ITGA11: variants seen among roughly 807,000 people sequenced by gnomAD.
ITGA11 encodes the protein integrin subunit alpha 11, also known as integrin alpha-11.
Under a neutral mutation model 141.9 loss-of-function variants are expected in ITGA11, and 97 were observed. The observed-to-expected ratio is 0.68, with a 90% CI of 0.58 to 0.81. The LOEUF is 0.81. ITGA11 is among the 30% of genes least tolerant of loss of function. The pLI, the probability that ITGA11 is intolerant of heterozygous loss-of-function variation, is 0.00. For missense variants in ITGA11, 1,387 were observed against 1,559.2 expected, an observed-to-expected ratio of 0.89 and a Z score of 1.86; for synonymous variants, 658 against 624.6, an observed-to-expected ratio of 1.05 and a Z score of -0.80.
chr15:68,350,653 CA>C lies in ITGA11; in HGVS notation c.1023del (p.Ile341MetfsTer55). On this transcript the variant is annotated frameshift_variant, in exon 9 of 30. Coordinates refer to ENST00000315757, the MANE Select transcript of ITGA11 (RefSeq NM_001004439.2). LOFTEE classifies it high-confidence loss of function. ...NVTDEAALKD[I>X]VDALGDRIFS... is the part of the protein sequence containing the mutation. ...AAGATTCTGTCCCCCAGGGCATCGACAATGTCCTTCAAGGCAGCCTCATCAG... is the reference window on the plus strand; with the variant it reads ...AAGATTCTGTCCCCCAGGGCATCGACATGTCCTTCAAGGCAGCCTCATCAG... 6.2e-7 allele frequency: 1 copy of C among 1,613,952 alleles called. No individual in the cohort carries two copies. The highest frequency in any genetic ancestry group is 8.5e-7 in the Non-Finnish European group (1 of 1,179,852).
At chr15:68,313,713 C>T (rs182003271) in intron 23 of ITGA11, 66 bp downstream of exon 23, 88 of 1,274,040 alleles carry the variant, frequency 6.9e-5, no homozygotes, top group African/African-American at 5.7e-4. Flanking sequence ...GGATGCCCCC[C>T]CTTAGGCCTC....
intron 1 of ITGA11, among the ~76,000 whole-genome samples, chr15:68,420,681 A>G (rs1896997995): frequency 6.6e-6 from 1 of 152,174 alleles, no homozygotes; most frequent in African/African-American, 2.4e-5. Flanking sequence ...GGGAGATTTT[A>G]ACTGATTGAT....
At chr15:68,368,865 T>TTC in intron 3 of ITGA11, among the ~76,000 whole-genome samples, 1 of 150,918 alleles carries the variant, frequency 6.6e-6, no homozygotes, top group East Asian at 2.0e-4. Flanking sequence ...AAGTCCTTTT[T>TTC]TTTTTTTTTT....
In ITGA11 at chr15:68,371,746, G is replaced by A. The variant is rs11858012; in HGVS notation, c.165-2462C>T. Reference sequence around the variant, plus strand: ...GAAAAGAAAAAGAAAGAAAGGCACCGAGAAACAGAAGGGGCCATATCTAGG... The same window carrying A: ...GAAAAGAAAAAGAAAGAAAGGCACCAAGAAACAGAAGGGGCCATATCTAGG... On this transcript the variant is annotated intron_variant, in intron 2 of 29. Coordinates refer to ENST00000315757, the MANE Select transcript of ITGA11 (RefSeq NM_001004439.2). Among the ~76,000 whole-genome samples, 234 of 152,148 alleles carry A rather than the reference G, an allele frequency of 1.5e-3. 1 individual carries two copies. Among genetic ancestry groups the A allele is most frequent in the African/African-American group, 5.1e-3 (211 of 41,514 alleles).
At chr15:68,368,539 G>C (rs1269992275) in intron 3 of ITGA11, among the ~76,000 whole-genome samples, 2 of 152,234 alleles carry the variant, frequency 1.3e-5, no homozygotes, top group African/African-American at 4.8e-5. Flanking sequence ...GCATCTCCCT[G>C]TTCCAGAATA....
At position 68,325,894 on chromosome 15, in the gene ITGA11, C is replaced by A. The variant is rs1228900890; in HGVS notation, c.2212-653G>T. The stretch of plus-strand genomic sequence containing the variant: ...TCAAACCTGAGCTGGCACCAGAGTC[C>A]CCTGGGAGCTTGTTAAAACACAGGG... On this transcript the variant is annotated intron_variant, in intron 17 of 29. Coordinates refer to ENST00000315757, the MANE Select transcript of ITGA11 (RefSeq NM_001004439.2). The surrounding 1 kb of genome is among the most constrained non-coding windows in gnomAD (Gnocchi z 5.5). Among the ~76,000 whole-genome samples, 1 of 152,216 alleles carries A rather than the reference C, an allele frequency of 6.6e-6. No homozygotes were observed. Among genetic ancestry groups the A allele is most frequent in the African/African-American group, 2.4e-5 (1 of 41,458 alleles).
intron 1 of ITGA11, among the ~76,000 whole-genome samples, chr15:68,410,371 A>G (rs1261162155): frequency 1.3e-5 from 2 of 152,154 alleles, no homozygotes; most frequent in African/African-American, 4.8e-5. Flanking sequence ...GTTTATCACT[A>G]AGAATCTCTG....
At chr15:68,311,787 CAATTA>C (rs1248063655) in intron 24 of ITGA11, among the ~76,000 whole-genome samples, 1 of 152,180 alleles carries the variant, frequency 6.6e-6, no homozygotes, top group East Asian at 1.9e-4. Context: ...CATTAATTAA[CAATTA>C]ATTTAATTAA....
chr15:68,326,733 C>T lies in ITGA11; in HGVS notation c.2132G>A (p.Gly711Asp). ...RYTPRAHLDE[G>D]GDRFTNRAVL... ...GGCTCTGTTGGTGAATCGGTCCCCG[C>T]CCTCGTCCAGGTGGGCCCTCGGTGT... The change falls in exon 17 of 30, where the codon GGC (glycine) becomes GAC (aspartate). Residue 711 changes from glycine to aspartate, a missense_variant. Gly to Asp is a moderately conservative substitution (Grantham distance 94). Coordinates refer to ENST00000315757, the MANE Select transcript of ITGA11 (RefSeq NM_001004439.2). The surrounding 1 kb of genome is among the most constrained non-coding windows in gnomAD (Gnocchi z 6.8). The T allele has an allele frequency of 6.3e-7, 1 of 1,582,890 alleles. No homozygotes were observed. Among genetic ancestry groups the T allele is most frequent in the Non-Finnish European group, 8.6e-7 (1 of 1,164,440 alleles).
rs1460503263 is a variant in ITGA11, at chr15:68,311,015, G to A, written c.3153C>T (p.Asp1051=). Residue 1051 remains aspartate (D), a synonymous_variant, in exon 26 of 30, where the codon GAC becomes GAT. Coordinates refer to ENST00000315757, the MANE Select transcript of ITGA11 (RefSeq NM_001004439.2). ...TCACCAGCTGTGGAGCACGACGCAA[G>A]TCTTCCTCCACTGGGGTGGGCCGGT... is the stretch of plus-strand genomic sequence containing the variant. ...TEYRPTPVEE[D]LRRAPQLNHS... 6.2e-7 allele frequency: 1 copy of A among 1,605,618 alleles called. No homozygotes were observed. Among genetic ancestry groups the A allele is most frequent in the South Asian group, 1.1e-5 (1 of 89,198 alleles).
At chr15:68,384,763 C>T (rs543193790) in intron 2 of ITGA11, among the ~76,000 whole-genome samples, 35 of 152,316 alleles carry the variant, frequency 2.3e-4, no homozygotes, top group Admixed American at 4.6e-4. Flanking sequence ...GAGAAAATAG[C>T]GGAGAGCGTT....
chr15:68,373,842 A>T (rs1013966704), intron 2 of ITGA11, among the ~76,000 whole-genome samples: 1 of 152,040 alleles, frequency 6.6e-6, no homozygotes, highest in African/African-American at 2.4e-5. Context: ...ACAGTGGGAG[A>T]GCTGAGAGAA....
At chr15:68,339,974 G>A (rs7162991) in intron 10 of ITGA11, among the ~76,000 whole-genome samples, 29,872 of 152,052 alleles carry the variant, frequency 0.2, 6,548 homozygotes, top group African/African-American at 0.54. Flanking sequence ...TTTAGGGACC[G>A]TCTCGCCACT....
Position 68,378,313 on chromosome 15 carries a change from TC to T in ITGA11, c.165-9030del, listed in dbSNP as rs1490930355. On this transcript the variant is annotated intron_variant, in intron 2 of 29. Transcript: ENST00000315757. ...AGGGATACTGAAATAAATAGTTTCA[TC>T]CCTTTTTCTACTGATAGACGTTCAG... is the stretch of plus-strand genomic sequence containing the variant. Among the ~76,000 whole-genome samples the T allele has an allele frequency of 2.0e-5, 3 of 152,194 alleles. No homozygotes were observed. The East Asian group carries it at 5.8e-4, about 29-fold the overall frequency.
At chr15:68,387,101 CAA>C (rs1189052895) in intron 2 of ITGA11, among the ~76,000 whole-genome samples, 1 of 151,800 alleles carries the variant, frequency 6.6e-6, no homozygotes, top group Non-Finnish European at 1.5e-5. Context: ...AGAAATCTGG[CAA>C]AGTGAAGGAA....
rs1893995155 is a variant in ITGA11, at chr15:68,326,972, G to A, written c.2069-176C>T. ...GAGAGCAAGTGATTGCATGAGGAAG[G>A]TAAAGGAAGGAACCAAAGAAAAGGG... On this transcript the variant is annotated intron_variant, in intron 16 of 29. Transcript: ENST00000315757. This position sits in a 1 kb window ranked among gnomAD's most constrained non-coding sequence, Gnocchi z 6.8. 1.3e-5 allele frequency among the ~76,000 whole-genome samples: 2 copies of A among 152,160 alleles called. No individual in the cohort carries two copies. The highest frequency in any genetic ancestry group is 4.1e-4 in the South Asian group (2 of 4,822).
intron 9 of ITGA11, among the ~76,000 whole-genome samples, chr15:68,349,437 A>C (rs1894837850): frequency 6.6e-6 from 1 of 152,218 alleles, no homozygotes; most frequent in South Asian, 2.1e-4. Context: ...GGACTCCCTG[A>C]ACACATCATT....
rs754751331 is a variant in ITGA11 at position 68,335,779 on chromosome 15, A to T, written c.1343T>A (p.Phe448Tyr). The T allele has an allele frequency of 1.2e-6, 2 of 1,613,700 alleles. No homozygotes were observed. Among genetic ancestry groups the T allele is most frequent in the East Asian group, 2.2e-5 (1 of 44,864 alleles). Residue 448 changes from phenylalanine to tyrosine, a missense_variant, in exon 12 of 30, where the codon TTC becomes TAC. Physicochemically the swap from Phe to Tyr is conservative, Grantham distance 22. Coordinates refer to ENST00000315757, the MANE Select transcript of ITGA11 (RefSeq NM_001004439.2). The surrounding 1 kb of genome is among the most constrained non-coding windows in gnomAD (Gnocchi z 4.9). ...GRVYVAGAPRFNHTGKVILFT... is the reference protein window; with the variant it reads ...GRVYVAGAPRYNHTGKVILFT... ...CAGGATGACCTTGCCCGTGTGGTTG[A>T]ACCGGGGGGCTCCGGCCACGTACAC...
At chr15:68,342,997 TTCTC>T (rs6145615) in intron 10 of ITGA11, among the ~76,000 whole-genome samples, 3,168 of 143,898 alleles carry the variant, frequency 0.022, 80 homozygotes, top group African/African-American at 0.068. Flanking sequence ...GGGCAAGTTC[TTCTC>T]TCTCTCTCTC....
Sources: gnomAD v4.1 joint callset for allele counts (sites outside exome capture counted in the v4.1 genomes callset) on GRCh38, gnomAD v4.1.1 for gene constraint, Gnocchi (gnomAD v3.1) non-coding constraint, MANE v1.5 for transcripts, NCBI Gene and HGNC (gene_info 2026-07-23, HGNC 2026-07-21) for gene names.